Variants in SGSM1 observed in about 807,000 individuals in gnomAD.
SGSM1 encodes small G protein signaling modulator 1.
In SGSM1, 73 loss-of-function variants were observed where a neutral mutation model predicts 133.8. That is an observed-to-expected ratio of 0.55 (90% CI 0.45 to 0.66). The LOEUF is 0.66. SGSM1 is among the 30% of genes least tolerant of loss of function. The probability of loss-of-function intolerance (pLI) is 0.00; values close to 1 mark genes in which losing one functional copy is unlikely to be tolerated. For missense variants in SGSM1, 1,213 were observed against 1,448.1 expected (o/e 0.84, Z 2.64); for synonymous variants, 563 against 573.0 (o/e 0.98, Z 0.25).
intron 21 of SGSM1, among the ~76,000 whole-genome samples, chr22:24,910,275 G>C (rs1933570395): frequency 6.6e-6 from 1 of 152,144 alleles, no homozygotes; most frequent in Admixed American, 6.6e-5. Flanking sequence ...TAATAGTGGT[G>C]ATTGCACAAC....
intron 2 of SGSM1, among the ~76,000 whole-genome samples, chr22:24,817,998 G>A (rs568509642): frequency 5.2e-4 from 79 of 152,110 alleles, no homozygotes; most frequent in African/African-American, 1.6e-3. Context: ...TTGGGAGGCC[G>A]AGGCGGGTGG....
At position 24,872,715 on chromosome 22, in the gene SGSM1, C is replaced by T. The variant is rs190619524; in HGVS notation, c.1291+3860C>T. 3.3e-5 allele frequency among the ~76,000 whole-genome samples: 5 copies of T among 152,128 alleles called. No individual in the cohort carries two copies. In the South Asian group the frequency reaches 6.2e-4, roughly 19 times the overall value. On this transcript the variant is annotated intron_variant, in intron 12 of 24. Transcript: ENST00000400358. ...AGGCAGATCACGAGGTCAGGAGATT[C>T]GAGACCATCCTGGCTAACACGGTGA...
chr22:24,883,863 A>C (rs756087353), intron 14 of SGSM1, among the ~76,000 whole-genome samples, 190 bp from the exon 15 acceptor site: 6 of 152,148 alleles, frequency 3.9e-5, no homozygotes, highest in South Asian at 2.1e-4. Context: ...GGCTGTGGTG[A>C]GAGGATCGCA....
intron 16 of SGSM1, among the ~76,000 whole-genome samples, chr22:24,887,611 T>A (rs1932691061): frequency 1.3e-5 from 2 of 152,228 alleles, no homozygotes; most frequent in African/African-American, 4.8e-5. Context: ...AGAATGTAAT[T>A]GCTGGGTCAT....
At position 24,845,949 on chromosome 22, in the gene SGSM1, C is replaced by CTTTTCTTTTCT. The variant is rs1220528542; in HGVS notation, c.139+980_139+981insTCTTTTCTTTT. 3.6e-3 allele frequency among the ~76,000 whole-genome samples: 204 copies of CTTTTCTTTTCT among 55,988 alleles called. 2 individuals are homozygous for CTTTTCTTTTCT. The highest frequency in any genetic ancestry group is 0.029 in the East Asian group (58 of 1,972). The allele number at this position is 55,988 out of a possible 152,430, so 36.7% of individuals were successfully genotyped here. On this transcript the variant is annotated intron_variant, in intron 3 of 24. Coordinates refer to ENST00000400358, the MANE Select transcript of SGSM1 (RefSeq NM_001098497.3). ...ATCTTTCTTTTCTTTTCTTTTCTTT[C>CTTTTCTTTTCT]TTTCTTTCTTTCTTTCTTTCTTTCT... is the stretch of plus-strand genomic sequence containing the variant.
chr22:24,881,774 G>T (rs1412509774), intron 14 of SGSM1, among the ~76,000 whole-genome samples: 1 of 152,112 alleles, frequency 6.6e-6, no homozygotes, highest in Non-Finnish European at 1.5e-5. Context: ...TCTCCAGAAG[G>T]TCCAGGGTTC....
At chr22:24,837,498 G>A (rs933793262) in intron 2 of SGSM1, among the ~76,000 whole-genome samples, 4 of 152,178 alleles carry the variant, frequency 2.6e-5, no homozygotes, top group Non-Finnish European at 5.9e-5. Context: ...AGATAACTGC[G>A]GGCGAGCCTG....
At chr22:24,867,306 C>T (rs5996781) in intron 10 of SGSM1, 146 bp downstream of exon 10, 86,739 of 697,024 alleles carry the variant, frequency 0.12, 6,053 homozygotes, top group South Asian at 0.23. Context: ...GCGACCTCAC[C>T]GCTCTGTGCC....
In SGSM1 at chr22:24,898,311, G is replaced by T; in HGVS notation, c.2362G>T (p.Ala788Ser). The stretch of plus-strand genomic sequence containing the variant: ...GGACAGCCTGGAGAGTGACCTCCTG[G>T]CCAACGAGAGCATGGACGAGTTCAT... ...VQDSLESDLLANESMDEFMSI... is the reference protein window; with the variant it reads ...VQDSLESDLLSNESMDEFMSI... The change falls in exon 19 of 25, where the codon GCC (alanine) becomes TCC (serine). Residue 788 changes from alanine (A) to serine (S), a missense_variant. Physicochemically the swap from Ala to Ser is moderately conservative, Grantham distance 99. Coordinates refer to ENST00000400358, the MANE Select transcript of SGSM1 (RefSeq NM_001098497.3). The T allele has an allele frequency of 6.2e-7, 1 of 1,613,964 alleles. No individual in the cohort carries two copies. The highest frequency in any genetic ancestry group is 8.5e-7 in the Non-Finnish European group (1 of 1,179,870).
Position 24,901,977 on chromosome 22 carries a change from G to A in SGSM1, c.2735+20G>A, listed in dbSNP as rs1249075487. 3 of 797,882 alleles carry A rather than the reference G, an allele frequency of 3.8e-6. No individual in the cohort carries two copies. The South Asian group carries it at 4.3e-5, about 11-fold the overall frequency. 49.4% of individuals were successfully genotyped at this position (797,882 alleles called of 1,614,324 possible). A position where few individuals can be genotyped will look rare whatever the true frequency, so the allele number is the denominator to read the frequency against. Reference sequence around the variant, plus strand: ...GTGCAGGTGGCTGGGGACAGCGAGGGGATCTAGGGGATGGGGATGGTGGGT... The same window carrying A: ...GTGCAGGTGGCTGGGGACAGCGAGGAGATCTAGGGGATGGGGATGGTGGGT... On this transcript the variant is annotated intron_variant, in intron 20 of 24. Transcript: ENST00000400358.
At chr22:24,894,760 G>A (rs1021991328) in intron 17 of SGSM1, among the ~76,000 whole-genome samples, 103 of 152,138 alleles carry the variant, frequency 6.8e-4, no homozygotes, top group Non-Finnish European at 1.0e-3. Context: ...CTAAGCCTCT[G>A]CTGAGTCAAG....
At chr22:24,895,316 C>T (rs1446275778) in intron 18 of SGSM1, 25 bp downstream of exon 18, 1 of 1,598,794 alleles carries the variant, frequency 6.3e-7, no homozygotes, top group Non-Finnish European at 8.5e-7. Flanking sequence ...GCCTCGCCCC[C>T]TCCCACCCAC....
intron 12 of SGSM1, among the ~76,000 whole-genome samples, chr22:24,875,157 A>T (rs1001585819): frequency 6.6e-6 from 1 of 152,192 alleles, no homozygotes; most frequent in African/African-American, 2.4e-5. Flanking sequence ...ACCATGACAT[A>T]TGGGAAAAAA....
intron 9 of SGSM1, among the ~76,000 whole-genome samples, chr22:24,863,038 G>C (rs1313244585): frequency 1.3e-5 from 2 of 152,186 alleles, no homozygotes; most frequent in Non-Finnish European, 2.9e-5. Context: ...CTAATGTTTT[G>C]GGAAAAGCAT....
chr22:24,900,385 T>TTCTCTCTTTCTCTCTTTCTCTCTTTCTC (rs1491561814), intron 19 of SGSM1, among the ~76,000 whole-genome samples: 26 of 71,340 alleles, frequency 3.6e-4, no homozygotes, highest in Middle Eastern at 8.3e-3. Context: ...CTTTCTTTCT[T>TTCTCTCTTTCTCTCTTTCTCTCTTTCTC]TCTTTCTTTC....
rs1933979229 is a variant in SGSM1, at chr22:24,920,816, AGATG to A, written c.3193+824_3193+827del. 3.3e-5 allele frequency among the ~76,000 whole-genome samples: 5 copies of A among 152,350 alleles called. No individual in the cohort carries two copies. The South Asian group carries it at 1.0e-3, about 32-fold the overall frequency. ...GTAGATTGAGAACTGTTTTAGATTT[AGATG>A]TACAGAGAATGCACGATACCTTGGC... On this transcript the variant is annotated intron_variant, in intron 24 of 24. Transcript: ENST00000400358.
chr22:24,900,414 T>TCTTTCTTCTTTCTTTC (rs1484572431), intron 19 of SGSM1, among the ~76,000 whole-genome samples: 1 of 146,158 alleles, frequency 6.8e-6, no homozygotes, highest in African/African-American at 2.6e-5. Flanking sequence ...TTTCTGTATT[T>TCTTTCTTCTTTCTTTC]TTGAGACAGA....
chr22:24,823,328 C>T (rs1180135541), intron 2 of SGSM1, among the ~76,000 whole-genome samples: 2 of 151,936 alleles, frequency 1.3e-5, no homozygotes, highest in Admixed American at 6.6e-5. Flanking sequence ...TTTTGCCAGG[C>T]GCGGTGGCTC....
At chr22:24,864,503 T>G (rs1931342334) in intron 9 of SGSM1, among the ~76,000 whole-genome samples, 1 of 152,202 alleles carries the variant, frequency 6.6e-6, no homozygotes, top group Non-Finnish European at 1.5e-5. Flanking sequence ...TAAAAAGAGA[T>G]AAATCACCAG....
Sources: allele counts gnomAD v4.1 joint callset (sites outside exome capture counted in the v4.1 genomes callset), GRCh38; gene constraint gnomAD v4.1.1; transcripts MANE v1.5; gene names NCBI Gene and HGNC (gene_info 2026-07-23, HGNC 2026-07-21).